Variants in EIF5A observed in about 807,000 individuals in gnomAD.
EIF5A encodes the protein eukaryotic translation initiation factor 5A.
Under a neutral mutation model 16.6 loss-of-function variants are expected in EIF5A, and 1 was observed. The ratio of observed to expected loss-of-function variants is 0.06; its 90% CI spans 0.02 to 0.28. The LOEUF is 0.28. Among genes scored for constraint, EIF5A ranks in the 10% least tolerant of loss-of-function variants. EIF5A has a pLI of 1.00. For synonymous variants in EIF5A, 80 were observed against 73.6 expected (o/e 1.09, Z -0.44); for missense variants, 29 against 196.1 (o/e 0.15, Z 5.09).
chr17:7,311,162 T>C (rs2072813892), intron 3 of EIF5A, 40 bp downstream of exon 3: 1 of 1,606,158 alleles, frequency 6.2e-7, no homozygotes, highest in African/African-American at 1.3e-5. Flanking sequence ...TAGCGGTTTA[T>C]GGTGGAGGGA....
Position 7,307,646 on chromosome 17 carries a change from AGCAGCG to A in EIF5A, c.-125_-120del, listed in dbSNP as rs1266302919. On this transcript the variant is annotated 5_prime_UTR_variant, in exon 1 of 6. Transcript: ENST00000336458. ...CGCCTGCGTACTAAGACCCGTGTGC[AGCAGCG>A]GCGGCGGCGGTAGAGGCGGCGGCGG... The A allele has an allele frequency of 4.8e-6, 5 of 1,051,214 alleles. No homozygotes were observed. The highest frequency in any genetic ancestry group is 5.7e-6 in the Non-Finnish European group (5 of 872,868). 65.1% of individuals were successfully genotyped at this position (1,051,214 alleles called of 1,614,324 possible).
Position 7,307,631 on chromosome 17 carries a change from C to G in EIF5A, c.-143C>G, listed in dbSNP as rs2072662130. 1.9e-6 allele frequency: 2 copies of G among 1,037,690 alleles called. No homozygotes were observed. The highest frequency in any genetic ancestry group is 1.7e-5 in the African/African-American group (1 of 57,788). 64.3% of individuals were successfully genotyped at this position (1,037,690 alleles called of 1,614,324 possible). On this transcript the variant is annotated 5_prime_UTR_variant, in exon 1 of 6. Transcript: ENST00000336458. ...TCAGTGGGGAGTCGGCGCCTGCGTA[C>G]TAAGACCCGTGTGCAGCAGCGGCGG... is the stretch of plus-strand genomic sequence containing the variant.
At position 7,311,805 on chromosome 17, in the gene EIF5A, TTCTC is replaced by T; in HGVS notation, c.*12-12_*12-9del. 1.9e-6 allele frequency: 2 copies of T among 1,054,642 alleles called. No individual in the cohort carries two copies. Among genetic ancestry groups the T allele is most frequent in the Non-Finnish European group, 2.8e-6 (2 of 718,778 alleles). The allele number at this position is 1,054,642 out of a possible 1,614,324, so 65.3% of individuals were successfully genotyped here. On this transcript the variant is annotated splice_polypyrimidine_tract_variant and intron_variant, in intron 5 of 5. Transcript: ENST00000336458. ...GAAGGTATTATCCTGTCTTACTAATTTCTCTCTCCTACCTAGGGTGGCGGTGGTG... is the reference window on the plus strand; with the variant it reads ...GAAGGTATTATCCTGTCTTACTAATTTCTCCTACCTAGGGTGGCGGTGGTG...
At chr17:7,307,137 A>G (rs2143007577), upstream of EIF5A, 1 of 1,578,060 alleles carries the variant, frequency 6.3e-7, no homozygotes, top group Non-Finnish European at 8.6e-7. Flanking sequence ...AAGTCCAGTT[A>G]AAGCCGAGGT....
intron 2 of EIF5A, chr17:7,310,055 C>G (rs1202611212): frequency 1.4e-6 from 2 of 1,472,794 alleles, no homozygotes; most frequent in African/African-American, 2.8e-5. Flanking sequence ...TTGTGCCAAT[C>G]TCTTCAATTC....
intron 1 of EIF5A, among the ~76,000 whole-genome samples, chr17:7,309,190 C>A (rs555697301): frequency 1.2e-4 from 18 of 151,998 alleles, no homozygotes; most frequent in South Asian, 4.2e-4. Context: ...CCTCCCCCCC[C>A]CCAATTAGCC....
chr17:7,310,124 T>C (rs147129631), intron 2 of EIF5A: 351 of 1,330,348 alleles, frequency 2.6e-4, no homozygotes, highest in African/African-American at 2.3e-3. Flanking sequence ...TTTTCACTTT[T>C]TCTTTCTTCC....
At chr17:7,309,885 C>G (rs758909140) in intron 2 of EIF5A, 85 bp downstream of exon 2, 1 of 1,613,326 alleles carries the variant, frequency 6.2e-7, no homozygotes. Context: ...ACAGTGCTGA[C>G]TTTCCTTTAA....
chr17:7,308,621 C>T, intron 1 of EIF5A: 1 of 1,344,576 alleles, frequency 7.4e-7, no homozygotes, highest in South Asian at 1.2e-5. Flanking sequence ...AATGGGGAAA[C>T]AGGGCGTTTG....
chr17:7,307,171 G>C, upstream of EIF5A: 1 of 1,513,514 alleles, frequency 6.6e-7, no homozygotes, highest in South Asian at 1.3e-5. Context: ...AGACGCATGC[G>C]TTCTAGACGA....
At chr17:7,307,933 A>T (rs2072674990) in intron 1 of EIF5A, 181 bp downstream of exon 1, 1 of 980,710 alleles carries the variant, frequency 1.0e-6, no homozygotes, top group Non-Finnish European at 1.2e-6. Flanking sequence ...GCGCGGGGTG[A>T]CGGTTGGGGT....
chr17:7,309,247 C>G (rs2072741454), intron 1 of EIF5A, among the ~76,000 whole-genome samples: 1 of 149,438 alleles, frequency 6.7e-6, no homozygotes, highest in African/African-American at 2.4e-5. Context: ...ATAGCCCTGG[C>G]TATATGTGGG....
Position 7,309,639 on chromosome 17 carries a change from G to A in EIF5A, c.4G>A (p.Ala2Thr). Residue 2 changes from alanine (A) to threonine (T), a missense_variant, in exon 2 of 6, where the codon GCA becomes ACA. By Grantham distance (58) the Ala-to-Thr change is moderately conservative. Coordinates refer to ENST00000336458, the MANE Select transcript of EIF5A (RefSeq NM_001970.5). M[A>T]DDLDFETGDA... ...GTTGGAATCGAAGCCTCTTAAAATGGCAGATGACTTGGACTTCGAGACAGG... is the reference window on the plus strand; with the variant it reads ...GTTGGAATCGAAGCCTCTTAAAATGACAGATGACTTGGACTTCGAGACAGG... 1.2e-6 allele frequency: 2 copies of A among 1,614,172 alleles called. No individual in the cohort carries two copies. The highest frequency in any genetic ancestry group is 1.7e-6 in the Non-Finnish European group (2 of 1,180,028).
rs1180669295 is a variant in EIF5A at position 7,310,297 on chromosome 17, A to G, written c.165+497A>G. On this transcript the variant is annotated intron_variant, in intron 2 of 5. Coordinates refer to ENST00000336458, the MANE Select transcript of EIF5A (RefSeq NM_001970.5). ...CCCTTTGGAACTCTGACGCAGGATC[A>G]AACTGCCCCTACCTGCCCCATCCCA... 2.3e-6 allele frequency: 3 copies of G among 1,286,288 alleles called. No individual in the cohort carries two copies. The South Asian group carries it at 3.7e-5, about 16-fold the overall frequency. 79.7% of individuals were successfully genotyped at this position (1,286,288 alleles called of 1,614,324 possible).
rs898580365 is a variant in EIF5A, at chr17:7,308,713, G to A, written c.-21-902G>A. ...AGATGAGTTTCCCACCGTGATAGGC[G>A]TTCTTCACCTTGTCACTGTCTTCCT... On this transcript the variant is annotated intron_variant, in intron 1 of 5. Coordinates refer to ENST00000336458, the MANE Select transcript of EIF5A (RefSeq NM_001970.5). 2.2e-5 allele frequency: 14 copies of A among 628,188 alleles called. No homozygotes were observed. In the South Asian group the frequency reaches 2.3e-4, roughly 10 times the overall value. 38.9% of individuals were successfully genotyped at this position (628,188 alleles called of 1,614,324 possible). A position where few individuals can be genotyped will look rare whatever the true frequency, so the allele number is the denominator to read the frequency against.
chr17:7,310,864 A>T (rs1489893872), intron 2 of EIF5A, 154 bp from the exon 3 acceptor site: 1 of 985,082 alleles, frequency 1.0e-6, no homozygotes. Flanking sequence ...AAGAGGCTTT[A>T]CTGTTTCTTG....
intron 1 of EIF5A, chr17:7,308,683 C>A: frequency 1.0e-6 from 1 of 991,344 alleles, no homozygotes; most frequent in Non-Finnish European, 1.4e-6. Context: ...CTAAAAGCCT[C>A]AGGCAGATGA....
chr17:7,308,008 G>A, intron 1 of EIF5A: 1 of 985,584 alleles, frequency 1.0e-6, no homozygotes, highest in Non-Finnish European at 1.2e-6. Flanking sequence ...CCACGCGGGA[G>A]AGGCCGCCAG....
rs1283837527 is a variant in EIF5A, at chr17:7,307,669, C to T, written c.-105C>T. ...GCAGCAGCGGCGGCGGCGGTAGAGG[C>T]GGCGGCGGCGGCGGCAGCGGGCTCG... is the stretch of plus-strand genomic sequence containing the variant. On this transcript the variant is annotated 5_prime_UTR_variant, in exon 1 of 6. Coordinates refer to ENST00000336458, the MANE Select transcript of EIF5A (RefSeq NM_001970.5). 4.8e-6 allele frequency: 5 copies of T among 1,036,848 alleles called. No homozygotes were observed. Among genetic ancestry groups the T allele is most frequent in the South Asian group, 3.0e-5 (1 of 32,886 alleles). The allele number at this position is 1,036,848 out of a possible 1,614,324, so 64.2% of individuals were successfully genotyped here. A position where few individuals can be genotyped will look rare whatever the true frequency, so the allele number is the denominator to read the frequency against.
Sources: allele counts gnomAD v4.1 joint callset (sites outside exome capture counted in the v4.1 genomes callset), GRCh38; gene constraint gnomAD v4.1.1; transcripts MANE v1.5; gene names NCBI Gene and HGNC (gene_info 2026-07-23, HGNC 2026-07-21).